The following IMPG2 variants were observed in gnomAD, a reference collection of about 807,000 sequenced individuals.
The protein encoded by IMPG2 is interphotoreceptor matrix proteoglycan 2.
A neutral mutation model predicts 129.2 loss-of-function variants in IMPG2; 91 were observed. The observed-to-expected ratio is 0.70, with a 90% CI of 0.59 to 0.84. IMPG2 has a LOEUF of 0.84. Ranked by LOEUF, IMPG2 falls within the 40% of genes least tolerant of loss-of-function variation. The pLI, the probability that IMPG2 is intolerant of heterozygous loss-of-function variation, is 0.00. For missense variants in IMPG2, 1,430 were observed against 1,461.7 expected (o/e 0.98, Z 0.35); for synonymous variants, 510 against 517.7 (o/e 0.99, Z 0.20).
At chr3:101,278,214 G>A (rs1314387110) in intron 4 of IMPG2, among the ~76,000 whole-genome samples, 1 of 152,198 alleles carries the variant, frequency 6.6e-6, no homozygotes, top group African/African-American at 2.4e-5. Context: ...CAGCCTGGGT[G>A]ACAGAGGAAG....
intron 9 of IMPG2, among the ~76,000 whole-genome samples, chr3:101,261,966 A>G (rs984663107): frequency 6.6e-6 from 1 of 152,112 alleles, no homozygotes; most frequent in Non-Finnish European, 1.5e-5. Flanking sequence ...CAGCTGCTAT[A>G]CAGAGGAGAG....
intron 5 of IMPG2, among the ~76,000 whole-genome samples, chr3:101,275,989 AC>A (rs1331014623): frequency 1.3e-5 from 2 of 152,180 alleles, no homozygotes; most frequent in African/African-American, 2.4e-5. Flanking sequence ...TCTGCACAAG[AC>A]ACTAGGAACA....
chr3:101,276,304 C>CTTAT (rs1706840043), intron 5 of IMPG2, among the ~76,000 whole-genome samples: 1 of 152,158 alleles, frequency 6.6e-6, no homozygotes, highest in Admixed American at 6.5e-5. Flanking sequence ...AATCCTTACT[C>CTTAT]TGGGAACCTC....
chr3:101,294,581 G>T (rs966920034), intron 3 of IMPG2, among the ~76,000 whole-genome samples: 1 of 152,180 alleles, frequency 6.6e-6, no homozygotes, highest in African/African-American at 2.4e-5. Context: ...ATAGCAGAAT[G>T]ATTTATATTC....
rs1466081939 is a variant in IMPG2, at chr3:101,226,485, T to C, written c.*484A>G. 2 of 152,578 alleles carry C rather than the reference T, an allele frequency of 1.3e-5. No homozygotes were observed. The highest frequency in any genetic ancestry group is 4.8e-5 in the African/African-American group (2 of 41,348). The allele number at this position is 152,578 out of a possible 1,614,324, so 9.5% of individuals were successfully genotyped here. A position where few individuals can be genotyped will look rare whatever the true frequency, so the allele number is the denominator to read the frequency against. On this transcript the variant is annotated 3_prime_UTR_variant, in exon 19 of 19. Coordinates refer to ENST00000193391, the MANE Select transcript of IMPG2 (RefSeq NM_016247.4). ...AAAGAATTTTATTTAGATGAATGCC[T>C]GATTATAAACTATCCATTAAGACTA...
intron 2 of IMPG2, among the ~76,000 whole-genome samples, chr3:101,304,854 A>AC (rs1707172606): frequency 1.5e-5 from 1 of 67,914 alleles, no homozygotes; most frequent in African/African-American, 3.8e-5. Flanking sequence ...CATATTTCTG[A>AC]TAAAAAAAAA....
intron 4 of IMPG2, among the ~76,000 whole-genome samples, chr3:101,285,178 G>A (rs564458529): frequency 3.3e-5 from 5 of 152,304 alleles, no homozygotes; most frequent in African/African-American, 4.8e-5. Context: ...AGGGATGATG[G>A]TAGGGTTGGA....
intron 11 of IMPG2, among the ~76,000 whole-genome samples, chr3:101,248,098 A>T (rs116377062): frequency 0.011 from 1,641 of 152,276 alleles, 33 homozygotes; most frequent in African/African-American, 0.037. Flanking sequence ...ATACTGGCCC[A>T]TGAAGAGAGC....
At chr3:101,253,900 G>A (rs1020555843) in intron 10 of IMPG2, 119 bp from the exon 11 acceptor site, 24 of 703,958 alleles carry the variant, frequency 3.4e-5, no homozygotes, top group Middle Eastern at 3.3e-4. Context: ...CAGAAAATAC[G>A]GGACACACTT....
intron 7 of IMPG2, 55 bp from the exon 8 acceptor site, chr3:101,269,628 A>G (rs1392121771): frequency 7.9e-6 from 8 of 1,011,650 alleles, no homozygotes; most frequent in Non-Finnish European, 1.2e-5. Flanking sequence ...AAAAATATAT[A>G]GAAAATAATG....
intron 8 of IMPG2, among the ~76,000 whole-genome samples, chr3:101,267,738 C>T (rs1397084153): frequency 6.6e-6 from 1 of 152,056 alleles, no homozygotes; most frequent in African/African-American, 2.4e-5. Context: ...TCTTTATTTT[C>T]TTCTAAATTT....
At position 101,306,209 on chromosome 3, in the gene IMPG2, A is replaced by G. The variant is rs185904838; in HGVS notation, c.335-1897T>C. The stretch of plus-strand genomic sequence containing the variant: ...CTGTGAAAGTATTTTACAAATTGCA[A>G]AGTGCTACATGAATATCATATGTTA... On this transcript the variant is annotated intron_variant, in intron 2 of 18. Coordinates refer to ENST00000193391, the MANE Select transcript of IMPG2 (RefSeq NM_016247.4). Among the ~76,000 whole-genome samples the G allele has an allele frequency of 2.4e-3, 360 of 152,344 alleles. 1 individual carries two copies. Among genetic ancestry groups the G allele is most frequent in the Non-Finnish European group, 3.6e-3 (244 of 68,028 alleles).
intron 9 of IMPG2, among the ~76,000 whole-genome samples, chr3:101,266,941 G>C (rs1203421260): frequency 6.6e-6 from 1 of 152,128 alleles, no homozygotes; most frequent in Non-Finnish European, 1.5e-5. Flanking sequence ...GGCTTTGCAA[G>C]CAGTGAGCAG....
At chr3:101,320,185 A>C in intron 1 of IMPG2, 103 bp downstream of exon 1, 1 of 748,380 alleles carries the variant, frequency 1.3e-6, no homozygotes, top group Non-Finnish European at 2.3e-6. Flanking sequence ...ATAAAGTAGT[A>C]TTTGATTCCA....
At chr3:101,314,273 T>C (rs897992249) in intron 2 of IMPG2, among the ~76,000 whole-genome samples, 1 of 152,150 alleles carries the variant, frequency 6.6e-6, no homozygotes, top group African/African-American at 2.4e-5. Context: ...CAGATTTGCA[T>C]AGCCCTGTGG....
rs772761576 is a variant in IMPG2, at chr3:101,243,868, G to T, written c.2463C>A (p.Thr821=). 1 of 1,614,206 alleles carries T rather than the reference G, an allele frequency of 6.2e-7. No homozygotes were observed. Among genetic ancestry groups the T allele is most frequent in the Non-Finnish European group, 8.5e-7 (1 of 1,180,016 alleles). The change falls in exon 13 of 19, where the codon ACC becomes ACA. Residue 821 remains threonine, a synonymous_variant. Transcript: ENST00000193391. ...CATCCTCTAGCAGGGTGGAGATTGTGGTTGGAGGCAATTTGGTAGACTGTG... is the reference window on the plus strand; with the variant it reads ...CATCCTCTAGCAGGGTGGAGATTGTTGTTGGAGGCAATTTGGTAGACTGTG... ...SVTQSTKLPP[T]TISTLLEDEV... is the part of the protein sequence containing the mutation.
At chr3:101,316,703 C>T (rs1031135126) in intron 2 of IMPG2, among the ~76,000 whole-genome samples, 4 of 151,988 alleles carry the variant, frequency 2.6e-5, no homozygotes, top group African/African-American at 9.7e-5. Flanking sequence ...GAAAGTTAAA[C>T]GTATACCTAT....
intron 3 of IMPG2, among the ~76,000 whole-genome samples, chr3:101,303,559 G>C (rs1464945220): frequency 6.6e-6 from 1 of 152,168 alleles, no homozygotes; most frequent in Non-Finnish European, 1.5e-5. Flanking sequence ...TCACTTTCTT[G>C]TCATGAATAC....
chr3:101,269,691 C>G (rs553068606), intron 7 of IMPG2, 118 bp from the exon 8 acceptor site: 118 of 666,922 alleles, frequency 1.8e-4, no homozygotes, highest in Non-Finnish European at 2.9e-4. Flanking sequence ...GAAGCTTATA[C>G]ACTTAGCTAG....
Sources: gnomAD v4.1 joint callset for allele counts (sites outside exome capture counted in the v4.1 genomes callset) on GRCh38, gnomAD v4.1.1 for gene constraint, MANE v1.5 for transcripts, NCBI Gene and HGNC (gene_info 2026-07-23, HGNC 2026-07-21) for gene names.